DDAH1: variants seen among roughly 807,000 people sequenced by gnomAD.
DDAH1 encodes dimethylarginine dimethylaminohydrolase 1.
In DDAH1, 19 loss-of-function variants were observed where a neutral mutation model predicts 28.8. That is an observed-to-expected ratio of 0.66 (90% CI 0.46 to 0.97). DDAH1 has a LOEUF of 0.97. Ranked by LOEUF, DDAH1 falls within the 50% of genes least tolerant of loss-of-function variation. The pLI is 0.00. For synonymous variants in DDAH1, 153 were observed against 154.4 expected, an observed-to-expected ratio of 0.99 and a Z score of 0.07; for missense variants, 326 against 375.9, an observed-to-expected ratio of 0.87 and a Z score of 1.10.
intron 2 of DDAH1, among the ~76,000 whole-genome samples, chr1:85,474,157 C>A (rs748759233): frequency 1.3e-5 from 2 of 152,226 alleles, no homozygotes; most frequent in African/African-American, 4.8e-5. Context: ...TTTGACCAAT[C>A]AATCCCCTTA....
At chr1:85,403,738 C>T (rs952632674) in intron 1 of DDAH1, among the ~76,000 whole-genome samples, 1 of 152,022 alleles carries the variant, frequency 6.6e-6, no homozygotes, top group African/African-American at 2.4e-5. Flanking sequence ...CTATTTTCCC[C>T]CAAAACTGAA....
At chr1:85,540,918 C>G (rs931979567) in intron 1 of DDAH1, among the ~76,000 whole-genome samples, 1 of 142,196 alleles carries the variant, frequency 7.0e-6, no homozygotes, top group African/African-American at 2.6e-5. Flanking sequence ...CAAGATCGTG[C>G]TACTGCACTC....
chr1:85,340,155 C>G (rs1419771197), intron 4 of DDAH1, among the ~76,000 whole-genome samples: 4 of 152,194 alleles, frequency 2.6e-5, no homozygotes, highest in Non-Finnish European at 5.9e-5. Flanking sequence ...ACTGATTCCA[C>G]TGCTGCCAAT....
At chr1:85,572,506 A>C (rs1321832858) in intron 1 of DDAH1, among the ~76,000 whole-genome samples, 1 of 152,168 alleles carries the variant, frequency 6.6e-6, no homozygotes, top group Non-Finnish European at 1.5e-5. Context: ...CAAAGCTTCA[A>C]TTTTCTCATC....
chr1:85,494,682 G>A (rs1656520881), intron 2 of DDAH1: 1 of 152,314 alleles, frequency 6.6e-6, no homozygotes, highest in Admixed American at 6.5e-5. Flanking sequence ...GAACGCTCTA[G>A]GGAATGGTGA....
chr1:85,528,348 G>A (rs1225637207), intron 1 of DDAH1, among the ~76,000 whole-genome samples: 1 of 151,954 alleles, frequency 6.6e-6, no homozygotes, highest in Non-Finnish European at 1.5e-5. Flanking sequence ...TCACCAATGG[G>A]TCATGACCCG....
chr1:85,560,528 T>G (rs1323125054), intron 1 of DDAH1, among the ~76,000 whole-genome samples: 1 of 152,026 alleles, frequency 6.6e-6, no homozygotes, highest in Non-Finnish European at 1.5e-5. Flanking sequence ...CAAAGACTCT[T>G]GGGGGAAAAT....
intron 1 of DDAH1, among the ~76,000 whole-genome samples, chr1:85,373,686 T>A (rs572134741): frequency 3.3e-5 from 5 of 152,148 alleles, no homozygotes; most frequent in Non-Finnish European, 7.4e-5. Flanking sequence ...AATTACCCAG[T>A]CTTGGGTAGT....
intron 1 of DDAH1, among the ~76,000 whole-genome samples, chr1:85,543,897 A>G (rs550102445): frequency 5.6e-4 from 86 of 152,330 alleles, no homozygotes; most frequent in Non-Finnish European, 3.4e-4. Context: ...CCAGTATTTC[A>G]TGGGTCTAGT....
At chr1:85,481,673 C>G (rs145652310) in intron 2 of DDAH1, among the ~76,000 whole-genome samples, 126 of 152,250 alleles carry the variant, frequency 8.3e-4, no homozygotes, top group African/African-American at 3.0e-3. Flanking sequence ...TACTTTTCTT[C>G]CTAGAGGCAG....
chr1:85,575,113 C>T (rs1659565906), intron 1 of DDAH1, among the ~76,000 whole-genome samples: 1 of 152,052 alleles, frequency 6.6e-6, no homozygotes, highest in African/African-American at 2.4e-5. Context: ...AGCCTGTAGT[C>T]CCAGCTACTC....
intron 1 of DDAH1, chr1:85,376,976 C>T (rs1241427166): frequency 6.6e-6 from 1 of 152,124 alleles, no homozygotes; most frequent in Non-Finnish European, 1.5e-5. Context: ...TAAGTGATCA[C>T]CTAATGTATG....
chr1:85,460,445 A>C (rs963755908), intron 1 of DDAH1, among the ~76,000 whole-genome samples: 5 of 152,214 alleles, frequency 3.3e-5, no homozygotes, highest in African/African-American at 1.2e-4. Flanking sequence ...AGGAAACAAT[A>C]ATTAAAGCTA....
intron 4 of DDAH1, among the ~76,000 whole-genome samples, chr1:85,339,710 T>C (rs1648352969): frequency 6.6e-6 from 1 of 152,238 alleles, no homozygotes; most frequent in Non-Finnish European, 1.5e-5. Flanking sequence ...ATGTCACTTC[T>C]AATTTAGTGT....
At chr1:85,347,663 T>C (rs865798258) in intron 4 of DDAH1, among the ~76,000 whole-genome samples, 2 of 152,082 alleles carry the variant, frequency 1.3e-5, no homozygotes, top group Non-Finnish European at 2.9e-5. Context: ...ATACCTAATG[T>C]AAATAACGAG....
intron 1 of DDAH1, among the ~76,000 whole-genome samples, chr1:85,444,365 C>T (rs758303768): frequency 1.3e-5 from 2 of 152,096 alleles, no homozygotes; most frequent in African/African-American, 2.4e-5. Context: ...GTGATGAAGC[C>T]CACTTGATCA....
intron 1 of DDAH1, among the ~76,000 whole-genome samples, chr1:85,549,339 G>A (rs1168611480): frequency 1.3e-5 from 2 of 152,184 alleles, no homozygotes; most frequent in Non-Finnish European, 2.9e-5. Flanking sequence ...CACCTGGAGT[G>A]CTTGTTTAAA....
At chr1:85,516,290 GGCTGGGTCTCATTTCTA>G (rs1657471543) in intron 1 of DDAH1, among the ~76,000 whole-genome samples, 1 of 149,956 alleles carries the variant, frequency 6.7e-6, no homozygotes, top group African/African-American at 2.5e-5. Flanking sequence ...TCTTCTCTAT[GGCTGGGTCTCATTTCTA>G]GCTGGACAAA....
intron 4 of DDAH1, among the ~76,000 whole-genome samples, chr1:85,339,237 C>T (rs967668498): frequency 2.0e-5 from 3 of 152,066 alleles, no homozygotes; most frequent in African/African-American, 2.4e-5. Flanking sequence ...TTTCATTTAG[C>T]TCCTAATTGT....
Sources: allele counts gnomAD v4.1 joint callset (sites outside exome capture counted in the v4.1 genomes callset), GRCh38; gene constraint gnomAD v4.1.1; transcripts MANE v1.5; gene names NCBI Gene and HGNC (gene_info 2026-07-23, HGNC 2026-07-21).